Variants in RAB10 observed in about 807,000 individuals in gnomAD.
The protein encoded by RAB10 is RAB10, member RAS oncogene family.
A neutral mutation model predicts 25.7 loss-of-function variants in RAB10; 5 were observed. The ratio of observed to expected loss-of-function variants is 0.19; its 90% CI spans 0.10 to 0.41. The LOEUF (loss-of-function observed/expected upper bound fraction) is 0.41, where lower values mean the gene tolerates loss of function less well. Ranked by LOEUF, RAB10 falls within the 10% of genes least tolerant of loss-of-function variation. The pLI is 1.00. For missense variants in RAB10, 103 were observed against 245.8 expected (o/e 0.42, Z 3.89); for synonymous variants, 89 against 86.4 (o/e 1.03, Z -0.16).
intron 1 of RAB10, among the ~76,000 whole-genome samples, chr2:26,038,147 A>G (rs1344555446): frequency 6.6e-6 from 1 of 151,498 alleles, no homozygotes; most frequent in East Asian, 1.9e-4. Flanking sequence ...CAGCGTCTCA[A>G]AGTGCTGGGA....
intron 1 of RAB10, among the ~76,000 whole-genome samples, chr2:26,083,202 AAGTC>A (rs1269760815): frequency 3.3e-5 from 5 of 152,124 alleles, no homozygotes. Context: ...CAAGAGAAAT[AAGTC>A]AGAAGATGTA....
At chr2:26,111,361 C>A (rs950212002) in intron 3 of RAB10, among the ~76,000 whole-genome samples, 1 of 152,002 alleles carries the variant, frequency 6.6e-6, no homozygotes, top group Non-Finnish European at 1.5e-5. Flanking sequence ...TCCCAGCACT[C>A]TGGGAGGCCG....
At position 26,132,600 on chromosome 2, in the gene RAB10, A is replaced by T. The variant is rs532687026; in HGVS notation, c.520-2338A>T. 4.3e-4 allele frequency among the ~76,000 whole-genome samples: 65 copies of T among 152,216 alleles called. 2 individuals carry two copies. The South Asian group carries it at 0.013, about 30-fold the overall frequency. ...ACTTTTACATTTCCTTTTCTGTAGT[A>T]TTTTTGTTTGTTTATTCCTTTGCCC... On this transcript the variant is annotated intron_variant, in intron 5 of 5. Coordinates refer to ENST00000264710, the MANE Select transcript of RAB10 (RefSeq NM_016131.5).
chr2:26,071,486 A>G (rs762580831), intron 1 of RAB10, among the ~76,000 whole-genome samples: 2 of 152,116 alleles, frequency 1.3e-5, no homozygotes, highest in Non-Finnish European at 2.9e-5. Flanking sequence ...TCAGGAGTTC[A>G]AGACCAGCAT....
intron 1 of RAB10, among the ~76,000 whole-genome samples, chr2:26,082,295 T>G (rs564568615): frequency 6.6e-6 from 1 of 152,198 alleles, no homozygotes; most frequent in East Asian, 1.9e-4. Flanking sequence ...ATGTTTATTA[T>G]GAGCCTTAGA....
chr2:26,066,045 C>T (rs1478229740), intron 1 of RAB10, among the ~76,000 whole-genome samples: 2 of 152,164 alleles, frequency 1.3e-5, no homozygotes, highest in African/African-American at 4.8e-5. Context: ...TCACAACATA[C>T]ACAGTAATAT....
chr2:26,120,518 T>C (rs922519224), intron 3 of RAB10, among the ~76,000 whole-genome samples: 2 of 152,212 alleles, frequency 1.3e-5, no homozygotes, highest in Non-Finnish European at 1.5e-5. Flanking sequence ...CCAAGTTGCC[T>C]TTGTTTTAGC....
chr2:26,052,396 T>TGTTTTCAAG, intron 1 of RAB10, among the ~76,000 whole-genome samples: 1 of 151,580 alleles, frequency 6.6e-6, no homozygotes, highest in African/African-American at 2.4e-5. Flanking sequence ...AAAGAAAAGA[T>TGTTTTCAAG]GTTTTCAAGG....
At chr2:26,125,281 ATAG>A (rs912282299) in intron 3 of RAB10, among the ~76,000 whole-genome samples, 5 of 151,992 alleles carry the variant, frequency 3.3e-5, no homozygotes, top group African/African-American at 1.2e-4. Flanking sequence ...TGTTTTTTTA[ATAG>A]TAGCCATACT....
At chr2:26,085,570 C>A (rs1007010148) in intron 1 of RAB10, among the ~76,000 whole-genome samples, 9 of 151,524 alleles carry the variant, frequency 5.9e-5, no homozygotes, top group African/African-American at 2.2e-4. Flanking sequence ...TATTTTCCTT[C>A]GCTTTGTTCC....
At chr2:26,041,310 GCAGGTGGATCACCAGAGGT>G (rs1166145169) in intron 1 of RAB10, among the ~76,000 whole-genome samples, 1 of 152,032 alleles carries the variant, frequency 6.6e-6, no homozygotes, top group Non-Finnish European at 1.5e-5. Flanking sequence ...GGAGGCCAAT[GCAGGTGGATCACCAGAGGT>G]CAGGAGTTTG....
At chr2:26,092,260 GCTGTGTGTGTGTGTGTGTGTGTGTGT>G (rs1667122783) in intron 1 of RAB10, among the ~76,000 whole-genome samples, 1 of 130,892 alleles carries the variant, frequency 7.6e-6, no homozygotes, top group Non-Finnish European at 1.6e-5. Context: ...CATAGTGAGA[GCTGTGTGTGTGTGTGTGTGTGTGTGT>G]GTGTGTGTGT....
At chr2:26,112,164 T>C (rs990196553) in intron 3 of RAB10, among the ~76,000 whole-genome samples, 2 of 152,202 alleles carry the variant, frequency 1.3e-5, no homozygotes, top group African/African-American at 2.4e-5. Context: ...TTCACCGAAT[T>C]GGAATATTCC....
At chr2:26,075,461 G>T (rs1404327768) in intron 1 of RAB10, among the ~76,000 whole-genome samples, 2 of 148,982 alleles carry the variant, frequency 1.3e-5, no homozygotes, top group African/African-American at 5.0e-5. Flanking sequence ...GAATGGATAA[G>T]CACAGGTTTA....
At chr2:26,123,532 C>T (rs1321675505) in intron 3 of RAB10, among the ~76,000 whole-genome samples, 6 of 152,138 alleles carry the variant, frequency 3.9e-5, no homozygotes, top group Non-Finnish European at 8.8e-5. Flanking sequence ...TGTAGCAGAG[C>T]CAGTCAAGGA....
At chr2:26,099,742 C>G (rs549987598) in intron 2 of RAB10, among the ~76,000 whole-genome samples, 20 of 151,964 alleles carry the variant, frequency 1.3e-4, no homozygotes, top group African/African-American at 4.1e-4. Flanking sequence ...CGGGATTTCA[C>G]TGTATTAGCC....
At chr2:26,117,047 T>C (rs1667704459) in intron 3 of RAB10, among the ~76,000 whole-genome samples, 1 of 152,190 alleles carries the variant, frequency 6.6e-6, no homozygotes, top group Non-Finnish European at 1.5e-5. Context: ...TTATATACTC[T>C]TAAATCTGTG....
At position 26,135,823 on chromosome 2, in the gene RAB10, A is replaced by G. The variant is rs963016836; in HGVS notation, c.*802A>G. On this transcript the variant is annotated 3_prime_UTR_variant, in exon 6 of 6. Transcript: ENST00000264710. ...TGCTTTATTTGCTTCTCCCTCCCCA[A>G]CCACCTCATGGTATATTTAAGAGTG... 9 of 152,640 alleles carry G rather than the reference A, an allele frequency of 5.9e-5. No homozygotes were observed. Among genetic ancestry groups the G allele is most frequent in the South Asian group, 2.1e-4 (1 of 4,820 alleles). The allele number at this position is 152,640 out of a possible 1,614,324, so 9.5% of individuals were successfully genotyped here. A position where few individuals can be genotyped will look rare whatever the true frequency, so the allele number is the denominator to read the frequency against.
At chr2:26,117,130 AG>A (rs1231209175) in intron 3 of RAB10, among the ~76,000 whole-genome samples, 2 of 152,308 alleles carry the variant, frequency 1.3e-5, no homozygotes, top group Non-Finnish European at 2.9e-5. Context: ...TACGTTAAAT[AG>A]GTATTTTTAT....
Sources: gnomAD v4.1 joint callset for allele counts (sites outside exome capture counted in the v4.1 genomes callset) on GRCh38, gnomAD v4.1.1 for gene constraint, MANE v1.5 for transcripts, NCBI Gene and HGNC (gene_info 2026-07-23, HGNC 2026-07-21) for gene names.